The following SYNPR variants were observed in gnomAD, a reference collection of about 807,000 sequenced individuals.
SYNPR encodes synaptoporin.
A neutral mutation model predicts 32.9 loss-of-function variants in SYNPR; 23 were observed. That is an observed-to-expected ratio of 0.70 (90% confidence interval 0.50 to 0.99). The LOEUF (loss-of-function observed/expected upper bound fraction) is 0.99, where lower values mean the gene tolerates loss of function less well. Ranked by LOEUF, SYNPR falls within the 50% of genes least tolerant of loss-of-function variation. SYNPR has a pLI of 0.00. For synonymous variants in SYNPR, 146 were observed against 135.9 expected (o/e 1.07, Z -0.52); for missense variants, 318 against 349.3 (o/e 0.91, Z 0.71).
intron 2 of SYNPR, among the ~76,000 whole-genome samples, chr3:63,309,920 T>A (rs1054005152): frequency 1.3e-5 from 2 of 151,968 alleles, no homozygotes; most frequent in African/African-American, 4.8e-5. Flanking sequence ...AAAGTGGCCA[T>A]CTTCTGCCTG....
intron 2 of SYNPR, among the ~76,000 whole-genome samples, chr3:63,333,395 G>A (rs1017424670): frequency 1.3e-4 from 20 of 151,268 alleles, no homozygotes; most frequent in African/African-American, 4.4e-4. Context: ...GGATAAAACC[G>A]ATGGCTCAGA....
chr3:63,227,234 C>T (rs963399948), upstream of SYNPR, among the ~76,000 whole-genome samples: 5 of 152,188 alleles, frequency 3.3e-5, no homozygotes, highest in African/African-American at 1.2e-4. Context: ...GAGAGCGCTC[C>T]TTTGAGCAAG....
intron 2 of SYNPR, among the ~76,000 whole-genome samples, chr3:63,358,179 G>A (rs186309049): frequency 5.3e-4 from 80 of 152,304 alleles, no homozygotes; most frequent in African/African-American, 1.8e-3. Flanking sequence ...TGTGTGTGCT[G>A]TAACAAATTA....
Position 63,231,930 on chromosome 3 carries a change from G to A in SYNPR, n.66+3550G>A, listed in dbSNP as rs191366169. 6.6e-5 allele frequency among the ~76,000 whole-genome samples: 10 copies of A among 152,188 alleles called. No homozygotes were observed. In the East Asian group the frequency reaches 1.7e-3, roughly 26 times the overall value. ...TATTTTAACAAGATCAGTGAACCCC[G>A]CTGTTGTTCTTTTTAATCCTGATTT... On this transcript the variant is annotated intron_variant and non_coding_transcript_variant, in intron 1 of 4. Coordinates refer to the SYNPR transcript ENST00000478456.
At chr3:63,416,766 T>G (rs1182431675) in intron 2 of SYNPR, among the ~76,000 whole-genome samples, 1 of 152,032 alleles carries the variant, frequency 6.6e-6, no homozygotes, top group Non-Finnish European at 1.5e-5. Flanking sequence ...AAAGAGCTTG[T>G]GCAGGAAAAT....
rs2088343770 is a variant in SYNPR, at chr3:63,405,264, A to T, written c.85-75568A>T. ...CAATGGGAAAATAGTAAACCATGCA[A>T]TGAGTGGTCTAACAGAAGAAATACG... On this transcript the variant is annotated intron_variant, in intron 2 of 5. Transcript: ENST00000478300. 5.9e-5 allele frequency among the ~76,000 whole-genome samples: 9 copies of T among 152,288 alleles called. 2 individuals carry two copies. In the South Asian group the frequency reaches 1.9e-3, roughly 32 times the overall value.
intron 2 of SYNPR, among the ~76,000 whole-genome samples, chr3:63,400,605 C>T (rs1055360401): frequency 2.6e-5 from 4 of 152,140 alleles, no homozygotes; most frequent in Non-Finnish European, 4.4e-5. Flanking sequence ...GTGCCTTTTT[C>T]GAGATAACCT....
intron 1 of SYNPR, among the ~76,000 whole-genome samples, chr3:63,248,382 T>G (rs189596382): frequency 2.4e-4 from 36 of 152,250 alleles, no homozygotes; most frequent in Admixed American, 3.9e-4. Flanking sequence ...GTGTGGTGGT[T>G]GCAGGGAACC....
At chr3:63,363,829 A>T (rs1318948222) in intron 2 of SYNPR, among the ~76,000 whole-genome samples, 2 of 152,112 alleles carry the variant, frequency 1.3e-5, no homozygotes, top group Admixed American at 6.5e-5. Flanking sequence ...GTGCTATAAG[A>T]CTCATATAAT....
intron 2 of SYNPR, among the ~76,000 whole-genome samples, chr3:63,308,589 T>C (rs1295847024): frequency 1.3e-5 from 2 of 151,954 alleles, no homozygotes; most frequent in African/African-American, 4.8e-5. Context: ...GGTATCAAGT[T>C]CTAGATTGCA....
chr3:63,415,366 C>A (rs547283783), intron 2 of SYNPR, among the ~76,000 whole-genome samples: 6 of 151,208 alleles, frequency 4.0e-5, no homozygotes, highest in Non-Finnish European at 8.8e-5. Flanking sequence ...ACTGGCAAAT[C>A]TGGCCAAAAA....
At chr3:63,288,606 G>A (rs2086708449) in intron 2 of SYNPR, among the ~76,000 whole-genome samples, 1 of 152,140 alleles carries the variant, frequency 6.6e-6, no homozygotes, top group African/African-American at 2.4e-5. Flanking sequence ...GAAATGATTA[G>A]GTTTTGCCTA....
intron 2 of SYNPR, among the ~76,000 whole-genome samples, chr3:63,479,816 G>A (rs1216590164): frequency 6.6e-6 from 1 of 152,122 alleles, no homozygotes; most frequent in African/African-American, 2.4e-5. Context: ...GCTTTCCCAA[G>A]GTCACATTCC....
At chr3:63,582,754 T>C (rs1382853798) in intron 4 of SYNPR, among the ~76,000 whole-genome samples, 1 of 152,054 alleles carries the variant, frequency 6.6e-6, no homozygotes, top group Non-Finnish European at 1.5e-5. Context: ...GGCTCTGGAA[T>C]CGGACTGCAT....
chr3:63,550,512 G>T (rs1702481545), intron 3 of SYNPR, among the ~76,000 whole-genome samples: 1 of 151,840 alleles, frequency 6.6e-6, no homozygotes, highest in Admixed American at 6.6e-5. Context: ...ATACAGATAA[G>T]CACAATTAAC....
chr3:63,239,911 C>T (rs924195188), intron 1 of SYNPR, among the ~76,000 whole-genome samples: 2 of 152,048 alleles, frequency 1.3e-5, no homozygotes, highest in Non-Finnish European at 2.9e-5. Context: ...CATTGTCAAG[C>T]AACTGTTTAA....
At chr3:63,496,838 A>G (rs1009842149) in intron 3 of SYNPR, among the ~76,000 whole-genome samples, 8 of 152,118 alleles carry the variant, frequency 5.3e-5, no homozygotes, top group Non-Finnish European at 8.8e-5. Context: ...ATATTCCTCA[A>G]TGCATACCTT....
chr3:63,414,284 A>G (rs531706816), intron 2 of SYNPR, among the ~76,000 whole-genome samples: 6 of 152,290 alleles, frequency 3.9e-5, no homozygotes, highest in Admixed American at 6.5e-5. Context: ...TTACAAATGT[A>G]AAACATTAAA....
intron 2 of SYNPR, among the ~76,000 whole-genome samples, chr3:63,425,088 A>C (rs1249173653): frequency 6.6e-6 from 1 of 152,226 alleles, no homozygotes; most frequent in Non-Finnish European, 1.5e-5. Flanking sequence ...TTTAAAATGA[A>C]ATATTGTGCC....
Sources: gnomAD v4.1 joint callset for allele counts (sites outside exome capture counted in the v4.1 genomes callset) on GRCh38, gnomAD v4.1.1 for gene constraint, MANE v1.5 for transcripts, NCBI Gene and HGNC (gene_info 2026-07-23, HGNC 2026-07-21) for gene names.